The following KDM4B variants were observed in gnomAD, a reference collection of about 807,000 sequenced individuals.
KDM4B encodes the protein lysine-specific demethylase 4B.
KDM4B carries 32 observed loss-of-function variants against 125.2 expected under a neutral mutation model. The ratio of observed to expected loss-of-function variants is 0.26; its 90% CI spans 0.19 to 0.34. The LOEUF is 0.34. Among genes scored for constraint, KDM4B ranks in the 10% least tolerant of loss-of-function variants. The pLI is 1.00. For missense variants in KDM4B, 1,190 were observed against 1,577.7 expected, an observed-to-expected ratio of 0.75 and a Z score of 4.16; for synonymous variants, 721 against 677.9, an observed-to-expected ratio of 1.06 and a Z score of -0.99.
At chr19:5,073,887 T>A (rs1241017526) in intron 7 of KDM4B, among the ~76,000 whole-genome samples, 1 of 152,120 alleles carries the variant, frequency 6.6e-6, no homozygotes, top group African/African-American at 2.4e-5. Flanking sequence ...GAGGCTGACG[T>A]CAGAGGATTG....
chr19:5,111,868 C>T (rs758507525), intron 10 of KDM4B: 6 of 761,026 alleles, frequency 7.9e-6, no homozygotes, highest in East Asian at 4.9e-5. Context: ...TGGCTGTGTC[C>T]GTGAAGCTTT....
At chr19:5,124,518 C>T (rs1453967941) in intron 11 of KDM4B, among the ~76,000 whole-genome samples, 1 of 152,224 alleles carries the variant, frequency 6.6e-6, no homozygotes, top group Non-Finnish European at 1.5e-5. Context: ...GCTGGCCAGC[C>T]TCTGGCTGGA....
chr19:5,104,652 G>C (rs1389407780), intron 9 of KDM4B, among the ~76,000 whole-genome samples: 1 of 152,184 alleles, frequency 6.6e-6, no homozygotes, highest in Non-Finnish European at 1.5e-5. Flanking sequence ...CAGACCTCAT[G>C]TGTGTCCCTC....
At chr19:5,089,672 C>A (rs1197092689) in intron 9 of KDM4B, among the ~76,000 whole-genome samples, 1 of 149,922 alleles carries the variant, frequency 6.7e-6, no homozygotes, top group African/African-American at 2.5e-5. Flanking sequence ...GCACTAACTT[C>A]TCAATATGGT....
At chr19:5,129,054 C>T (rs866104164) in intron 11 of KDM4B, among the ~76,000 whole-genome samples, 1 of 152,158 alleles carries the variant, frequency 6.6e-6, no homozygotes, top group African/African-American at 2.4e-5. Context: ...AGGGCAGTGG[C>T]GGGGGCTGCC....
At chr19:5,130,450 TG>T (rs1034354197) in intron 11 of KDM4B, among the ~76,000 whole-genome samples, 6 of 152,194 alleles carry the variant, frequency 3.9e-5, no homozygotes, top group Non-Finnish European at 1.5e-5. Flanking sequence ...TCCCCATTGC[TG>T]GCCCCGGGGA....
intron 10 of KDM4B, chr19:5,111,851 A>C (rs764568368): frequency 1.3e-6 from 1 of 764,622 alleles, no homozygotes; most frequent in Non-Finnish European, 2.4e-6. Flanking sequence ...CAGCGAAGAA[A>C]TGCGCGTGGC....
chr19:5,096,067 G>A (rs141113521), intron 9 of KDM4B, among the ~76,000 whole-genome samples: 1 of 152,076 alleles, frequency 6.6e-6, no homozygotes, highest in African/African-American at 2.4e-5. Flanking sequence ...ACACAGGGCC[G>A]GTGTACAGTG....
chr19:5,028,432 C>T (rs1487520974), intron 2 of KDM4B, among the ~76,000 whole-genome samples: 1 of 152,178 alleles, frequency 6.6e-6, no homozygotes, highest in Non-Finnish European at 1.5e-5. Flanking sequence ...ATGGCTGTGT[C>T]GTATTCCACC....
intron 15 of KDM4B, among the ~76,000 whole-genome samples, chr19:5,137,019 T>C (rs996306464): frequency 7.2e-5 from 11 of 152,192 alleles, no homozygotes; most frequent in African/African-American, 2.2e-4. Flanking sequence ...CTTCCCCTCC[T>C]GCGTCCTCTT....
intron 1 of KDM4B, among the ~76,000 whole-genome samples, chr19:5,003,855 GT>G (rs1030031759): frequency 2.6e-5 from 4 of 152,020 alleles, no homozygotes; most frequent in African/African-American, 7.2e-5. Flanking sequence ...AACCCCCTCT[GT>G]CCCCCACACA....
chr19:5,068,897 C>T (rs919736337), intron 6 of KDM4B, among the ~76,000 whole-genome samples: 8 of 152,212 alleles, frequency 5.3e-5, no homozygotes, highest in African/African-American at 1.9e-4. Flanking sequence ...CAATTACAGG[C>T]AGTAATTAAG....
At chr19:5,135,238 G>C in intron 14 of KDM4B, 101 bp from the exon 15 acceptor site, 1 of 732,906 alleles carries the variant, frequency 1.4e-6, no homozygotes. Context: ...AGAGCCAGGG[G>C]GTGTCGAAGC....
intron 6 of KDM4B, among the ~76,000 whole-genome samples, chr19:5,059,302 G>A (rs2037508563): frequency 6.6e-6 from 1 of 152,264 alleles, no homozygotes. Context: ...CAGCAGCAGG[G>A]GACAGGAGCG....
At chr19:5,062,941 T>G (rs912964969) in intron 6 of KDM4B, among the ~76,000 whole-genome samples, 2 of 151,874 alleles carry the variant, frequency 1.3e-5, no homozygotes, top group Admixed American at 6.6e-5. Flanking sequence ...CCATCACGCC[T>G]TACTTAGACG....
intron 1 of KDM4B, among the ~76,000 whole-genome samples, chr19:5,013,075 C>G (rs536203909): frequency 6.6e-6 from 1 of 152,274 alleles, no homozygotes; most frequent in South Asian, 2.1e-4. Flanking sequence ...CTCCAGCCTC[C>G]CAGCTTGGAG....
chr19:5,130,022 C>T (rs2039514958), intron 11 of KDM4B, among the ~76,000 whole-genome samples: 1 of 152,236 alleles, frequency 6.6e-6, no homozygotes, highest in African/African-American at 2.4e-5. Flanking sequence ...CACTCCAGGA[C>T]AGAAACCTTT....
intron 1 of KDM4B, among the ~76,000 whole-genome samples, chr19:5,010,134 C>T (rs2035682777): frequency 6.6e-6 from 1 of 152,240 alleles, no homozygotes; most frequent in Non-Finnish European, 1.5e-5. Context: ...GTCTCATAGG[C>T]TCCTCCAGGT....
chr19:4,977,965 T>C (rs2034506082), intron 1 of KDM4B, among the ~76,000 whole-genome samples: 1 of 152,144 alleles, frequency 6.6e-6, no homozygotes, highest in Non-Finnish European at 1.5e-5. Context: ...TCCTGCAGCA[T>C]CTCCATACTC....
Sources: allele counts gnomAD v4.1 joint callset (sites outside exome capture counted in the v4.1 genomes callset), GRCh38; gene constraint gnomAD v4.1.1; transcripts MANE v1.5; gene names NCBI Gene and HGNC (gene_info 2026-07-23, HGNC 2026-07-21).